The following CASP6 variants were observed in gnomAD, a reference collection of about 807,000 sequenced individuals.
CASP6 encodes the protein caspase-6.
In CASP6, 20 loss-of-function variants were observed where a neutral mutation model predicts 31.8. The ratio of observed to expected loss-of-function variants is 0.63; its 90% confidence interval spans 0.44 to 0.91. The LOEUF is 0.91. CASP6 is among the 40% of genes least tolerant of loss of function. The pLI, the probability that CASP6 is intolerant of heterozygous loss-of-function variation, is 0.00. For missense variants in CASP6, 328 were observed against 361.1 expected (o/e 0.91, Z 0.74); for synonymous variants, 130 against 127.8 (o/e 1.02, Z -0.12).
At chr4:109,695,075 C>T (rs916314600) in intron 4 of CASP6, among the ~76,000 whole-genome samples, 2 of 152,128 alleles carry the variant, frequency 1.3e-5, no homozygotes, top group Admixed American at 1.3e-4. Flanking sequence ...GGTGATCCAC[C>T]TCGCCTCAGC....
intron 5 of CASP6, among the ~76,000 whole-genome samples, chr4:109,692,940 T>C (rs569542558): frequency 1.3e-5 from 2 of 152,308 alleles, no homozygotes; most frequent in African/African-American, 4.8e-5. Context: ...CCAAATCTCA[T>C]GTTAAAATGT....
In CASP6 at chr4:109,700,846, C is replaced by T. The variant is rs568540549; in HGVS notation, c.41-2504G>A. Among the ~76,000 whole-genome samples the T allele has an allele frequency of 5.9e-5, 9 of 152,284 alleles. No individual in the cohort carries two copies. In the South Asian group the frequency reaches 1.9e-3, roughly 32 times the overall value. On this transcript the variant is annotated intron_variant, in intron 1 of 6. Coordinates refer to ENST00000265164, the MANE Select transcript of CASP6 (RefSeq NM_001226.4). ...CTTTTCTGGAGTTGATAAACTTTAC[C>T]CACAGATTGAGAGAAAATAACACAT...
upstream of CASP6, among the ~76,000 whole-genome samples, chr4:109,703,892 C>G (rs1017189384): frequency 1.3e-5 from 2 of 152,186 alleles, no homozygotes; most frequent in African/African-American, 4.8e-5. Context: ...CATTGGCTCG[C>G]TTTGTGTCTC....
chr4:109,668,566 G>T, the CASP6 span, among the ~76,000 whole-genome samples: 1 of 151,938 alleles, frequency 6.6e-6, no homozygotes, highest in Non-Finnish European at 1.5e-5. Flanking sequence ...ATATATAGTT[G>T]GATCTGGGTT....
intron 2 of CASP6, 43 bp downstream of exon 2, chr4:109,698,257 C>A: frequency 6.4e-7 from 1 of 1,573,188 alleles, no homozygotes; most frequent in Non-Finnish European, 8.6e-7. Flanking sequence ...TGATCATGAC[C>A]ATCAAAGGAA....
chr4:109,681,772 T>C, the CASP6 span, among the ~76,000 whole-genome samples: 4 of 152,188 alleles, frequency 2.6e-5, no homozygotes, highest in African/African-American at 9.7e-5. Context: ...TCCGGAAGAA[T>C]GTAAGTCAGC....
At chr4:109,702,166 A>T (rs1044565698) in intron 1 of CASP6, among the ~76,000 whole-genome samples, 4 of 152,184 alleles carry the variant, frequency 2.6e-5, no homozygotes, top group African/African-American at 9.6e-5. Flanking sequence ...AGAGACTGCA[A>T]CTGGACCCTG....
chr4:109,698,540 C>G (rs1730322458), intron 1 of CASP6, among the ~76,000 whole-genome samples, 198 bp from the exon 2 acceptor site: 4 of 152,168 alleles, frequency 2.6e-5, no homozygotes, highest in African/African-American at 7.2e-5. Context: ...TCTATGCTTT[C>G]TCACCCCCAA....
chr4:109,695,740 C>CAAA (rs762055298), intron 4 of CASP6, among the ~76,000 whole-genome samples: 80 of 127,804 alleles, frequency 6.3e-4, no homozygotes, highest in African/African-American at 1.8e-3. Context: ...GACTCCATCT[C>CAAA]AAAAAAAAAA....
At chr4:109,685,395 G>C (rs963958809), downstream of CASP6, 3 of 966,914 alleles carry the variant, frequency 3.1e-6, no homozygotes, top group East Asian at 4.8e-5. Context: ...CTTATAGCTG[G>C]TTTGTTTGGG....
intron 6 of CASP6, 102 bp downstream of exon 6, chr4:109,690,748 C>T: frequency 8.1e-7 from 1 of 1,229,748 alleles, no homozygotes; most frequent in Non-Finnish European, 1.1e-6. Context: ...GATGGAATCA[C>T]CATGTCCCAA....
chr4:109,706,131 T>TTATA (rs58847180), upstream of CASP6, among the ~76,000 whole-genome samples: 2,252 of 35,546 alleles, frequency 0.063, 62 homozygotes, highest in Non-Finnish European at 0.078. Context: ...CCTATCCATT[T>TTATA]TATATATATA....
the CASP6 span, among the ~76,000 whole-genome samples, chr4:109,677,686 C>T: frequency 4.6e-5 from 7 of 151,896 alleles, no homozygotes; most frequent in Non-Finnish European, 1.0e-4. Flanking sequence ...CTCTCACCCA[C>T]GTAATGCTTT....
the CASP6 span, among the ~76,000 whole-genome samples, chr4:109,678,936 C>CG: frequency 3.1e-5 from 4 of 130,370 alleles, no homozygotes; most frequent in Admixed American, 7.6e-5. Flanking sequence ...ACATCCCAGA[C>CG]AGGGTGGCCG....
At chr4:109,679,086 TA>T in the CASP6 span, among the ~76,000 whole-genome samples, 8 of 114,684 alleles carry the variant, frequency 7.0e-5, no homozygotes, top group Non-Finnish European at 1.4e-4. Context: ...CACTTCCCAT[TA>T]GGGGCAGCCG....
the CASP6 span, chr4:109,664,531 C>T: frequency 1.8e-6 from 1 of 556,046 alleles, no homozygotes; most frequent in Non-Finnish European, 3.2e-6. Context: ...CTCAAACAAT[C>T]CTCCCACCTC....
chr4:109,687,879 G>A, downstream of CASP6: 2 of 323,550 alleles, frequency 6.2e-6, no homozygotes, highest in Non-Finnish European at 1.1e-5. Flanking sequence ...GAGGTGAAAG[G>A]GTCTGTGCTT....
chr4:109,664,763 G>A, the CASP6 span, among the ~76,000 whole-genome samples: 1 of 152,258 alleles, frequency 6.6e-6, no homozygotes, highest in East Asian at 1.9e-4. Flanking sequence ...TTTTCCAGCA[G>A]GGGTATAAGT....
At chr4:109,689,625 G>A in intron 6 of CASP6, 57 bp from the exon 7 acceptor site, 1 of 1,451,732 alleles carries the variant, frequency 6.9e-7, no homozygotes, top group South Asian at 1.2e-5. Context: ...ATTACTGTGT[G>A]TATTCTTTTT....
Sources: gnomAD v4.1 joint callset for allele counts (sites outside exome capture counted in the v4.1 genomes callset) on GRCh38, gnomAD v4.1.1 for gene constraint, MANE v1.5 for transcripts, NCBI Gene and HGNC (gene_info 2026-07-23, HGNC 2026-07-21) for gene names.